The following IGSF11 variants were observed in gnomAD, a reference collection of about 807,000 sequenced individuals.
IGSF11 encodes immunoglobulin superfamily member 11, also known as CXADR like 1.
In IGSF11, 22 loss-of-function variants were observed where a neutral mutation model predicts 41.0. That is an observed-to-expected ratio of 0.54 (90% CI 0.38 to 0.77). The LOEUF (loss-of-function observed/expected upper bound fraction) is 0.77. Among genes scored for constraint, IGSF11 ranks in the 30% least tolerant of loss-of-function variants. The pLI, the probability that IGSF11 is intolerant of heterozygous loss-of-function variation, is 0.00. For missense variants in IGSF11, 444 were observed against 530.8 expected (o/e 0.84, Z 1.61); for synonymous variants, 219 against 201.3 (o/e 1.09, Z -0.74).
chr3:118,913,865 C>T (rs888472258), intron 4 of IGSF11, among the ~76,000 whole-genome samples: 13 of 152,064 alleles, frequency 8.5e-5, no homozygotes, highest in African/African-American at 3.1e-4. Context: ...AACTAAAATG[C>T]AGACAATACA....
chr3:119,068,628 A>G (rs1942302741), intron 1 of IGSF11, among the ~76,000 whole-genome samples: 2 of 152,204 alleles, frequency 1.3e-5, no homozygotes, highest in Non-Finnish European at 2.9e-5. Context: ...TTTACTGGCA[A>G]CACATTTCTC....
chr3:119,045,869 C>A (rs1941326026), intron 1 of IGSF11, among the ~76,000 whole-genome samples: 1 of 151,968 alleles, frequency 6.6e-6, no homozygotes, highest in Non-Finnish European at 1.5e-5. Flanking sequence ...GGGAGGCACC[C>A]CCCAGCAGGG....
chr3:118,905,321 T>C (rs1158376669), intron 5 of IGSF11, among the ~76,000 whole-genome samples: 1 of 152,214 alleles, frequency 6.6e-6, no homozygotes, highest in African/African-American at 2.4e-5. Context: ...TATTACCATT[T>C]TTATAATGTC....
At chr3:119,093,062 C>A (rs1576789723) in intron 1 of IGSF11, among the ~76,000 whole-genome samples, 2 of 124,000 alleles carry the variant, frequency 1.6e-5, no homozygotes, top group Admixed American at 7.8e-5. Context: ...TCAGGGAGTA[C>A]CCCTGTCATT....
In IGSF11 at chr3:119,015,983, G is replaced by A. The variant is rs549428173; in HGVS notation, c.52+18548C>T. Among the ~76,000 whole-genome samples the A allele has an allele frequency of 4.6e-5, 7 of 152,300 alleles. 1 individual carries two copies. In the South Asian group the frequency reaches 8.3e-4, roughly 18 times the overall value. ...CATCTAGTCTAACCACTGAATGGGGGTGCAGGTGCAAAACTCATCTGAAAG... is the reference window on the plus strand; with the variant it reads ...CATCTAGTCTAACCACTGAATGGGGATGCAGGTGCAAAACTCATCTGAAAG... On this transcript the variant is annotated intron_variant, in intron 1 of 6. Coordinates refer to ENST00000393775, the MANE Select transcript of IGSF11 (RefSeq NM_001015887.3).
At chr3:119,004,976 G>C (rs1223864577) in intron 1 of IGSF11, among the ~76,000 whole-genome samples, 6 of 151,260 alleles carry the variant, frequency 4.0e-5, no homozygotes, top group South Asian at 4.2e-4. Context: ...ATGTCTATTA[G>C]GTGCGCTTGG....
chr3:119,133,624 C>CA (rs1236927064), intron 1 of IGSF11, among the ~76,000 whole-genome samples: 1 of 152,048 alleles, frequency 6.6e-6, no homozygotes, highest in Non-Finnish European at 1.5e-5. Flanking sequence ...GATTCACAGC[C>CA]AAATTCTAAA....
intron 4 of IGSF11, among the ~76,000 whole-genome samples, chr3:118,924,006 T>A (rs1203893903): frequency 6.6e-6 from 1 of 152,128 alleles, no homozygotes; most frequent in Admixed American, 6.5e-5. Flanking sequence ...CTGCTTCCCA[T>A]CAAACTTTTG....
At chr3:118,960,331 C>G (rs1945259464) in intron 1 of IGSF11, among the ~76,000 whole-genome samples, 1 of 152,050 alleles carries the variant, frequency 6.6e-6, no homozygotes, top group South Asian at 2.1e-4. Context: ...TGTCCAGCAA[C>G]AGAGAAATTG....
chr3:118,946,849 C>T (rs1049472014), intron 1 of IGSF11, among the ~76,000 whole-genome samples: 4 of 152,192 alleles, frequency 2.6e-5, no homozygotes, highest in South Asian at 2.1e-4. Context: ...CAGTGGCTCA[C>T]GCCTGTAATC....
At chr3:119,117,899 T>G (rs1171745035) in intron 1 of IGSF11, among the ~76,000 whole-genome samples, 1 of 152,182 alleles carries the variant, frequency 6.6e-6, no homozygotes, top group Non-Finnish European at 1.5e-5. Flanking sequence ...AGCAGGGCAG[T>G]CAAATCTTAA....
intron 4 of IGSF11, 65 bp from the exon 5 acceptor site, chr3:118,905,783 C>T (rs1161122092): frequency 1.0e-5 from 16 of 1,580,794 alleles, no homozygotes; most frequent in South Asian, 3.4e-5. Context: ...AAGAAATCAG[C>T]GGAAGACCAT....
intron 1 of IGSF11, among the ~76,000 whole-genome samples, chr3:119,063,798 G>C (rs996663444): frequency 6.6e-6 from 1 of 152,210 alleles, no homozygotes; most frequent in African/African-American, 2.4e-5. Context: ...TAGCAAGAAG[G>C]AAAGGAAAAC....
chr3:119,030,858 T>C (rs1940326453), intron 1 of IGSF11, among the ~76,000 whole-genome samples: 2 of 152,012 alleles, frequency 1.3e-5, no homozygotes, highest in African/African-American at 4.8e-5. Flanking sequence ...AAACAGAAAT[T>C]CAGCAAACCC....
At chr3:119,122,816 C>T (rs1344143376) in intron 1 of IGSF11, among the ~76,000 whole-genome samples, 1 of 152,130 alleles carries the variant, frequency 6.6e-6, no homozygotes, top group Admixed American at 6.5e-5. Context: ...ACTAAGAAGC[C>T]CTTGGGAACT....
intron 1 of IGSF11, among the ~76,000 whole-genome samples, chr3:118,972,981 C>G (rs1933619517): frequency 6.6e-6 from 1 of 152,174 alleles, no homozygotes; most frequent in Non-Finnish European, 1.5e-5. Context: ...CAAAACCCTG[C>G]TCTACGTGGC....
intron 1 of IGSF11, among the ~76,000 whole-genome samples, chr3:119,112,328 C>T (rs2077181066): frequency 6.6e-6 from 1 of 152,286 alleles, no homozygotes; most frequent in Admixed American, 6.5e-5. Flanking sequence ...CTCTCTGCCA[C>T]CTTGCAGTTT....
At chr3:118,953,308 T>G (rs190107656) in intron 1 of IGSF11, among the ~76,000 whole-genome samples, 4 of 152,320 alleles carry the variant, frequency 2.6e-5, no homozygotes, top group Admixed American at 6.5e-5. Context: ...TGATGGACAT[T>G]TGGGCTGGTT....
In IGSF11 at chr3:119,049,875, C is replaced by T. The variant is rs972741737; in HGVS notation, c.49+55269G>A. On this transcript the variant is annotated intron_variant, in intron 1 of 6. Transcript: ENST00000354673. ...CTACAACTATCTGATCTTTGACAAA[C>T]CTGACAAAAACAAGCAATGGGGAAA... 6.1e-5 allele frequency among the ~76,000 whole-genome samples: 9 copies of T among 147,804 alleles called. 1 individual carries two copies. The highest frequency in any genetic ancestry group is 2.3e-4 in the African/African-American group (9 of 39,700).
Sources: allele counts gnomAD v4.1 joint callset (sites outside exome capture counted in the v4.1 genomes callset), GRCh38; gene constraint gnomAD v4.1.1; transcripts MANE v1.5; gene names NCBI Gene and HGNC (gene_info 2026-07-23, HGNC 2026-07-21).